CEP192: variants seen among roughly 807,000 people sequenced by gnomAD.
CEP192 encodes the protein centrosomal protein of 192 kDa.
A neutral mutation model predicts 271.8 loss-of-function variants in CEP192; 151 were observed. The ratio of observed to expected loss-of-function variants is 0.56; its 90% CI spans 0.49 to 0.64. CEP192 has a LOEUF of 0.64. Among genes scored for constraint, CEP192 ranks in the 30% least tolerant of loss-of-function variants. The pLI, the probability that CEP192 is intolerant of heterozygous loss-of-function variation, is 0.00. For synonymous variants in CEP192, 995 were observed against 1,076.5 expected, an observed-to-expected ratio of 0.92 and a Z score of 1.48; for missense variants, 2,910 against 3,020.5, an observed-to-expected ratio of 0.96 and a Z score of 0.86.
intron 42 of CEP192, 74 bp downstream of exon 42, chr18:13,114,325 A>G: frequency 6.6e-7 from 1 of 1,504,144 alleles, no homozygotes; most frequent in Non-Finnish European, 9.0e-7. Context: ...AAAATGCTCG[A>G]TGACTTTACC....
Position 13,049,031 on chromosome 18 carries a change from A to T in CEP192, c.2240A>T (p.Asp747Val), listed in dbSNP as rs1226673448. 6.2e-7 allele frequency: 1 copy of T among 1,614,196 alleles called. No homozygotes were observed. Among genetic ancestry groups the T allele is most frequent in the Non-Finnish European group, 8.5e-7 (1 of 1,180,030 alleles). Residue 747 changes from aspartate to valine, a missense_variant, in exon 16 of 45, where the codon GAC becomes GTC. Coordinates refer to ENST00000506447, the MANE Select transcript of CEP192 (RefSeq NM_032142.4). ...MIKALSNKTRDKTFQEDEKQK... is the reference protein window; with the variant it reads ...MIKALSNKTRVKTFQEDEKQK... ...AAGGCACTTTCAAATAAAACCAGAG[A>T]CAAGACTTTTCAGGAAGATGAGAAA...
chr18:12,992,435 C>G (rs555899406), intron 1 of CEP192, among the ~76,000 whole-genome samples: 1 of 152,178 alleles, frequency 6.6e-6, no homozygotes, highest in African/African-American at 2.4e-5. Flanking sequence ...AGTCAGTAAT[C>G]TTTTATGTAC....
chr18:13,095,564 G>A lies in CEP192; in HGVS notation c.6316G>A (p.Gly2106Ser). 1.2e-6 allele frequency: 2 copies of A among 1,614,164 alleles called. No homozygotes were observed. Among genetic ancestry groups the A allele is most frequent in the Non-Finnish European group, 1.7e-6 (2 of 1,180,002 alleles). ...NVSLDVLPVK[G>S]PQGSPLLSRA... ...CTCTTTGGATGTTTTACCAGTCAAA[G>A]GTCCTCAGGGTTCTCCTCTTCTCTC... Residue 2106 changes from glycine (G) to serine (S), a missense_variant, in exon 35 of 45, where the codon GGT (glycine) becomes AGT (serine). Gly to Ser is a moderately conservative substitution (Grantham distance 56). Transcript: ENST00000506447.
intron 37 of CEP192, among the ~76,000 whole-genome samples, 189 bp downstream of exon 37, chr18:13,099,770 A>G (rs2039620442): frequency 6.6e-6 from 1 of 152,274 alleles, no homozygotes; most frequent in Admixed American, 6.5e-5. Context: ...AAAGTAATAC[A>G]AATAAATACA....
intron 12 of CEP192, 31 bp downstream of exon 12, chr18:13,037,332 A>G (rs1245412421): frequency 9.9e-7 from 1 of 1,009,114 alleles, no homozygotes; most frequent in South Asian, 1.4e-5. Context: ...TCCAAAATTT[A>G]AAATTTTTCC....
At position 13,096,248 on chromosome 18, in the gene CEP192, G is replaced by C. The variant is rs2039393398; in HGVS notation, c.6498G>C (p.Glu2166Asp). 1 of 1,614,212 alleles carries C rather than the reference G, an allele frequency of 6.2e-7. No individual in the cohort carries two copies. Among genetic ancestry groups the C allele is most frequent in the Non-Finnish European group, 8.5e-7 (1 of 1,180,022 alleles). The change falls in exon 36 of 45, where the codon GAG (glutamate) becomes GAC (aspartate). Residue 2166 changes from glutamate to aspartate, a missense_variant. Transcript: ENST00000506447. ...ACTCTGTGAGGTTACTGAGATTTGA[G>C]CTGTGCTGGCCAGCGCATTGCCTCA... ...VNNSVRLLRFELCWPAHCLTV... is the reference protein window; with the variant it reads ...VNNSVRLLRFDLCWPAHCLTV...
At chr18:13,056,784 G>C in intron 19 of CEP192, 86 bp downstream of exon 19, 2 of 1,111,866 alleles carry the variant, frequency 1.8e-6, no homozygotes, top group Non-Finnish European at 1.3e-6. Context: ...GGAGTTACTG[G>C]TTAGCATTAA....
chr18:13,076,028 T>C (rs971450887), intron 30 of CEP192, among the ~76,000 whole-genome samples: 2 of 152,158 alleles, frequency 1.3e-5, no homozygotes, highest in African/African-American at 4.8e-5. Context: ...TTGTCATAAC[T>C]GGGGGCAGGA....
intron 27 of CEP192, 91 bp downstream of exon 27, chr18:13,069,947 G>T: frequency 2.8e-6 from 2 of 720,276 alleles, no homozygotes; most frequent in Admixed American, 2.5e-5. Flanking sequence ...GATTACCTGA[G>T]GTCAGGAGTT....
chr18:13,015,392 C>T lies in CEP192; in HGVS notation c.584C>T (p.Thr195Ile). The T allele has an allele frequency of 6.5e-7, 1 of 1,549,904 alleles. No homozygotes were observed. The highest frequency in any genetic ancestry group is 8.7e-7 in the Non-Finnish European group (1 of 1,145,416). Residue 195 changes from threonine to isoleucine, a missense_variant, in exon 6 of 45, where the codon ACT (threonine) becomes ATT (isoleucine). Transcript: ENST00000506447. ...ACTCTAAAGAGTGACCTAAGCCACA[C>T]TAGCTTATTAGAAAATGAGAAACTT... ...DKTLKSDLSH[T>I]SLLENEKLIL...
At chr18:13,084,338 C>T (rs2038782029) in intron 30 of CEP192, among the ~76,000 whole-genome samples, 1 of 152,146 alleles carries the variant, frequency 6.6e-6, no homozygotes, top group South Asian at 2.1e-4. Context: ...TGGTGGATGC[C>T]CCTCCCCCCG....
At chr18:13,048,552 A>G (rs2036601752) in intron 15 of CEP192, among the ~76,000 whole-genome samples, 1 of 152,092 alleles carries the variant, frequency 6.6e-6, no homozygotes, top group African/African-American at 2.4e-5. Flanking sequence ...TGTGGTAAGA[A>G]TGATCTTTTT....
chr18:13,067,517 T>C (rs1283499385), intron 21 of CEP192, among the ~76,000 whole-genome samples: 2 of 152,234 alleles, frequency 1.3e-5, no homozygotes, highest in African/African-American at 4.8e-5. Flanking sequence ...GAAGTTGTTA[T>C]TCTAATAATA....
chr18:13,009,898 C>G (rs539323807), intron 4 of CEP192, among the ~76,000 whole-genome samples: 51 of 152,292 alleles, frequency 3.3e-4, no homozygotes, highest in Admixed American at 3.9e-4. Context: ...GGGTCAGGCA[C>G]TGTGGCTTAT....
In CEP192 at chr18:13,088,974, A is replaced by G. The variant is rs2039018529; in HGVS notation, c.5994-482A>G. On this transcript the variant is annotated intron_variant, in intron 32 of 44. Coordinates refer to ENST00000506447, the MANE Select transcript of CEP192 (RefSeq NM_032142.4). ...GCGTATTGTTTTCAAACTCTTTGCCATAAAATTAACAGTAGTGAGATTTTT... is the reference window on the plus strand; with the variant it reads ...GCGTATTGTTTTCAAACTCTTTGCCGTAAAATTAACAGTAGTGAGATTTTT... The G allele has an allele frequency of 4.5e-5, 18 of 398,080 alleles. 1 individual carries two copies. The highest frequency in any genetic ancestry group is 3.2e-4 in the South Asian group (17 of 52,796). The allele number at this position is 398,080 out of a possible 1,614,324, so 24.7% of individuals were successfully genotyped here. A position where few individuals can be genotyped will look rare whatever the true frequency, so the allele number is the denominator to read the frequency against.
chr18:13,117,486 T>G, intron 43 of CEP192, 99 bp from the exon 44 acceptor site: 1 of 866,372 alleles, frequency 1.2e-6, no homozygotes, highest in Non-Finnish European at 1.9e-6. Context: ...TACCTAAATT[T>G]ACAAAATGTA....
At chr18:13,049,968 GA>G in intron 17 of CEP192, 77 bp downstream of exon 17, 1 of 1,234,748 alleles carries the variant, frequency 8.1e-7, no homozygotes, top group Non-Finnish European at 1.1e-6. Context: ...GTGTAAAGAA[GA>G]AAAATTATCT....
chr18:13,061,229 A>T (rs1191607657), intron 21 of CEP192, among the ~76,000 whole-genome samples: 1 of 152,132 alleles, frequency 6.6e-6, no homozygotes. Context: ...TGGCTGATGC[A>T]GGAGAATTGC....
At chr18:13,057,517 A>T in intron 19 of CEP192, 68 bp from the exon 20 acceptor site, 5 of 1,552,160 alleles carry the variant, frequency 3.2e-6, no homozygotes, top group Non-Finnish European at 4.4e-6. Context: ...TTGCCATTTA[A>T]CAGATTTGGC....
Sources: gnomAD v4.1 joint callset for allele counts (sites outside exome capture counted in the v4.1 genomes callset) on GRCh38, gnomAD v4.1.1 for gene constraint, MANE v1.5 for transcripts, NCBI Gene and HGNC (gene_info 2026-07-23, HGNC 2026-07-21) for gene names.